Variants in CEP63 observed in about 807,000 individuals in gnomAD.
CEP63 encodes the protein centrosomal protein 63.
A neutral mutation model predicts 89.1 loss-of-function variants in CEP63; 84 were observed. That is an observed-to-expected ratio of 0.94 (90% CI 0.79 to 1.13). The LOEUF (loss-of-function observed/expected upper bound fraction) is 1.13, where lower values mean the gene tolerates loss of function less well. Among genes scored for constraint, CEP63 ranks in the 50% most tolerant of loss-of-function variants. The probability of loss-of-function intolerance (pLI) is 0.00; values close to 1 mark genes in which losing one functional copy is unlikely to be tolerated. For missense variants in CEP63, 838 were observed against 813.3 expected (o/e 1.03, Z -0.37); for synonymous variants, 267 against 272.5 (o/e 0.98, Z 0.20).
At chr3:134,772,506 CCCTCCCCTCTTCT>C in the CEP63 span, among the ~76,000 whole-genome samples, 2 of 151,892 alleles carry the variant, frequency 1.3e-5, no homozygotes, top group South Asian at 4.2e-4. Context: ...TCCCCTCTTC[CCCTCCCCTCTTCT>C]CCTCCATTTT....
chr3:134,703,884 TTCTAA>T, the CEP63 span, among the ~76,000 whole-genome samples: 1 of 152,224 alleles, frequency 6.6e-6, no homozygotes, highest in Non-Finnish European at 1.5e-5. Context: ...TGCCAAAGGC[TTCTAA>T]ATCCTACTTG....
In CEP63 at chr3:134,562,632, C is replaced by T. The variant is rs773921503; in HGVS notation, c.*1097C>T. 1 of 152,246 alleles carries T rather than the reference C, an allele frequency of 6.6e-6. No homozygotes were observed. The highest frequency in any genetic ancestry group is 6.5e-5 in the Admixed American group (1 of 15,278). 9.4% of individuals were successfully genotyped at this position (152,246 alleles called of 1,614,324 possible). A position where few individuals can be genotyped will look rare whatever the true frequency, so the allele number is the denominator to read the frequency against. On this transcript the variant is annotated 3_prime_UTR_variant, in exon 15 of 15. Coordinates refer to ENST00000675561, the MANE Select transcript of CEP63 (RefSeq NM_001353108.3). ...AAAGAGTTGTCTGCAGTGACTCTTT[C>T]CAGTTCCTCACCCCGCCCCACCGTA... is the stretch of plus-strand genomic sequence containing the variant.
At chr3:134,700,985 T>C in the CEP63 span, among the ~76,000 whole-genome samples, 2 of 151,648 alleles carry the variant, frequency 1.3e-5, no homozygotes, top group East Asian at 3.9e-4. Flanking sequence ...TGCTGTCATC[T>C]TCCTCCATTG....
At chr3:134,496,431 A>AG (rs58740020) in intron 2 of CEP63, among the ~76,000 whole-genome samples, 30,240 of 143,332 alleles carry the variant, frequency 0.21, 3,495 homozygotes, top group Non-Finnish European at 0.24. Flanking sequence ...TAGAAAAAAA[A>AG]GGGGGGGGGG....
At chr3:134,495,270 A>G in intron 1 of CEP63, 26 bp from the exon 2 acceptor site, 1 of 1,519,608 alleles carries the variant, frequency 6.6e-7, no homozygotes, top group Non-Finnish European at 9.1e-7. Flanking sequence ...GAATTGTCTC[A>G]TGACTGATAT....
the CEP63 span, among the ~76,000 whole-genome samples, chr3:134,735,900 C>A: frequency 2.0e-5 from 3 of 151,986 alleles, no homozygotes; most frequent in Non-Finnish European, 4.4e-5. Flanking sequence ...AGGGACTAAT[C>A]CCCCAACTCA....
the CEP63 span, among the ~76,000 whole-genome samples, chr3:134,652,450 C>CA: frequency 6.6e-6 from 1 of 150,808 alleles, no homozygotes; most frequent in African/African-American, 2.5e-5. Context: ...CAGCGCCCCC[C>CA]CCCACCACCC....
chr3:134,675,529 A>C, the CEP63 span, among the ~76,000 whole-genome samples: 2 of 152,230 alleles, frequency 1.3e-5, no homozygotes, highest in African/African-American at 4.8e-5. Context: ...AAAATAAATG[A>C]ATTGGACTTT....
chr3:134,546,332 C>G (rs148333590), intron 8 of CEP63, 44 bp downstream of exon 8: 1 of 1,540,966 alleles, frequency 6.5e-7, no homozygotes, highest in Admixed American at 1.7e-5. Flanking sequence ...CACTTAATGA[C>G]TAGGTATTAA....
At chr3:134,651,499 A>T in the CEP63 span, 1 of 1,006,732 alleles carries the variant, frequency 9.9e-7, no homozygotes, top group Non-Finnish European at 1.2e-6. Context: ...ATTGAATTGC[A>T]AGATGTGCAG....
intron 11 of CEP63, among the ~76,000 whole-genome samples, chr3:134,551,179 G>A (rs948030620): frequency 1.3e-5 from 2 of 151,920 alleles, no homozygotes; most frequent in Admixed American, 6.5e-5. Flanking sequence ...TTTTGTATGG[G>A]TAATAGTCAA....
the CEP63 span, among the ~76,000 whole-genome samples, chr3:134,668,207 G>A: frequency 6.6e-6 from 1 of 152,202 alleles, no homozygotes; most frequent in Non-Finnish European, 1.5e-5. Context: ...ACCAGTCTGG[G>A]TTGGTCTGGG....
the CEP63 span, among the ~76,000 whole-genome samples, chr3:134,710,662 C>T: frequency 9.9e-5 from 15 of 151,922 alleles, no homozygotes; most frequent in Middle Eastern, 3.4e-3. Context: ...ATTACACAAT[C>T]GTACTTTGGT....
At chr3:134,766,224 A>G in the CEP63 span, among the ~76,000 whole-genome samples, 3 of 152,172 alleles carry the variant, frequency 2.0e-5, no homozygotes, top group Non-Finnish European at 4.4e-5. Flanking sequence ...CGCAGCTTTC[A>G]TCTTCTGATA....
the CEP63 span, among the ~76,000 whole-genome samples, chr3:134,639,233 T>C: frequency 6.6e-6 from 1 of 152,134 alleles, no homozygotes; most frequent in Middle Eastern, 3.2e-3. Flanking sequence ...AGCAGTGACA[T>C]CCCAGGAATG....
At chr3:134,692,418 C>G in the CEP63 span, among the ~76,000 whole-genome samples, 5 of 151,824 alleles carry the variant, frequency 3.3e-5, no homozygotes, top group African/African-American at 1.2e-4. Context: ...CAGCTTCATT[C>G]ATGTCCCTAC....
chr3:134,746,068 A>ACC, the CEP63 span, among the ~76,000 whole-genome samples: 20 of 119,800 alleles, frequency 1.7e-4, no homozygotes, highest in South Asian at 5.7e-4. Flanking sequence ...CTCCTCCACC[A>ACC]CCCCCCCCAC....
the CEP63 span, among the ~76,000 whole-genome samples, chr3:134,652,506 T>C: frequency 1.4e-5 from 2 of 142,380 alleles, no homozygotes; most frequent in Admixed American, 6.9e-5. Context: ...GGAGAGGTTG[T>C]TGGCTTCCAG....
At chr3:134,694,683 A>G in the CEP63 span, among the ~76,000 whole-genome samples, 2 of 152,208 alleles carry the variant, frequency 1.3e-5, no homozygotes, top group Non-Finnish European at 2.9e-5. Context: ...GCCCTTTTCA[A>G]GGATTCAGTA....
Sources: allele counts gnomAD v4.1 joint callset (sites outside exome capture counted in the v4.1 genomes callset), GRCh38; gene constraint gnomAD v4.1.1; transcripts MANE v1.5; gene names NCBI Gene and HGNC (gene_info 2026-07-23, HGNC 2026-07-21).